The following ABI1 variants were observed in gnomAD, a reference collection of about 807,000 sequenced individuals.
The protein encoded by ABI1 is abl interactor 1.
Under a neutral mutation model 54.6 loss-of-function variants are expected in ABI1, and 14 were observed. The observed-to-expected ratio is 0.26, with a 90% CI of 0.17 to 0.40. ABI1 has a LOEUF of 0.40. Ranked by LOEUF, ABI1 falls within the 10% of genes least tolerant of loss-of-function variation. The probability of loss-of-function intolerance (pLI) is 1.00; values close to 1 mark genes in which losing one functional copy is unlikely to be tolerated. For synonymous variants in ABI1, 194 were observed against 209.3 expected (o/e 0.93, Z 0.63); for missense variants, 443 against 598.3 (o/e 0.74, Z 2.71).
intron 2 of ABI1, among the ~76,000 whole-genome samples, chr10:26,809,915 G>C (rs2047121887): frequency 6.6e-6 from 1 of 152,158 alleles, no homozygotes; most frequent in Non-Finnish European, 1.5e-5. Context: ...ACCTTGCCCT[G>C]TGTGTCTCTT....
At chr10:26,782,882 A>C (rs1842307112) in intron 2 of ABI1, among the ~76,000 whole-genome samples, 1 of 152,220 alleles carries the variant, frequency 6.6e-6, no homozygotes, top group South Asian at 2.1e-4. Flanking sequence ...GAGAAACTGG[A>C]GCCCTTGTGC....
chr10:26,753,509 A>G lies in ABI1; in HGVS notation c.1085-1726T>C, dbSNP rs78568663. Reference sequence around the variant, plus strand: ...GTAAATCTACATGTCTTATCTTCAAATTATGGCGAAGGAAGTCTTGGTTAA... The same window carrying G: ...GTAAATCTACATGTCTTATCTTCAAGTTATGGCGAAGGAAGTCTTGGTTAA... On this transcript the variant is annotated intron_variant, in intron 9 of 10. Coordinates refer to ENST00000376140, the MANE Select transcript of ABI1 (RefSeq NM_001012750.3). Among the ~76,000 whole-genome samples, 647 of 152,310 alleles carry G rather than the reference A, an allele frequency of 4.2e-3. 3 individuals carry two copies. Among genetic ancestry groups the G allele is most frequent in the African/African-American group, 0.015 (609 of 41,558 alleles).
intron 2 of ABI1, among the ~76,000 whole-genome samples, chr10:26,804,430 A>C (rs1265747867): frequency 6.6e-6 from 1 of 152,138 alleles, no homozygotes; most frequent in African/African-American, 2.4e-5. Context: ...ATATGTTTGA[A>C]GGAAGAAGCT....
intron 3 of ABI1, among the ~76,000 whole-genome samples, chr10:26,773,295 G>A (rs1247815476): frequency 7.0e-6 from 1 of 142,018 alleles, no homozygotes; most frequent in East Asian, 2.2e-4. Context: ...TCTGCCTCCC[G>A]GGTTCAAGCG....
At chr10:26,829,297 A>G (rs972493060) in intron 1 of ABI1, among the ~76,000 whole-genome samples, 1 of 152,074 alleles carries the variant, frequency 6.6e-6, no homozygotes, top group Non-Finnish European at 1.5e-5. Context: ...GCTCTGTCCA[A>G]TGAAAAGATC....
intron 2 of ABI1, among the ~76,000 whole-genome samples, chr10:26,796,630 G>A (rs983789851): frequency 1.3e-5 from 2 of 152,270 alleles, no homozygotes; most frequent in Admixed American, 1.3e-4. Context: ...CTGTATTAAG[G>A]ATTTTCATTA....
chr10:26,774,895 C>T (rs10829061), intron 3 of ABI1, among the ~76,000 whole-genome samples: 22,443 of 151,700 alleles, frequency 0.15, 2,172 homozygotes, highest in African/African-American at 0.28. Flanking sequence ...AGCCAAACAG[C>T]AATATGAGTA....
At chr10:26,840,427 T>G (rs1298309669) in intron 1 of ABI1, among the ~76,000 whole-genome samples, 1 of 152,188 alleles carries the variant, frequency 6.6e-6, no homozygotes, top group Non-Finnish European at 1.5e-5. Context: ...TTACCCAGCC[T>G]GAAGTATTCC....
chr10:26,771,149 C>A, intron 3 of ABI1, 60 bp from the exon 4 acceptor site: 2 of 1,557,508 alleles, frequency 1.3e-6, no homozygotes, highest in African/African-American at 1.4e-5. Flanking sequence ...TAAGTTATAT[C>A]CGATAGGACA....
intron 1 of ABI1, among the ~76,000 whole-genome samples, chr10:26,837,505 AATTAGAATAATCTTTAACTTCAAAC>A (rs2049168644): frequency 1.3e-5 from 2 of 152,192 alleles, no homozygotes; most frequent in African/African-American, 4.8e-5. Flanking sequence ...TTCTATTCAC[AATTAGAATAATCTTTAACTTCAAAC>A]ATTAGGAAAT....
intron 1 of ABI1, among the ~76,000 whole-genome samples, chr10:26,825,087 T>C (rs2048224781): frequency 6.6e-6 from 1 of 152,176 alleles, no homozygotes; most frequent in Non-Finnish European, 1.5e-5. Context: ...GGTGGGATTT[T>C]TGAAGGTTGG....
At position 26,811,136 on chromosome 10, in the gene ABI1, C is replaced by T. The variant is rs187291272; in HGVS notation, c.285+12002G>A. ...GGTTATAAGTAAGCTCATAGTAGTACCAGGCTCTCTGCTAGGTGCTATTAA... is the reference window on the plus strand; with the variant it reads ...GGTTATAAGTAAGCTCATAGTAGTATCAGGCTCTCTGCTAGGTGCTATTAA... On this transcript the variant is annotated intron_variant, in intron 2 of 10. Transcript: ENST00000376140. Among the ~76,000 whole-genome samples, 71 of 152,122 alleles carry T rather than the reference C, an allele frequency of 4.7e-4. 1 individual carries two copies. Among genetic ancestry groups the T allele is most frequent in the Admixed American group, 2.4e-3 (37 of 15,268 alleles).
intron 2 of ABI1, among the ~76,000 whole-genome samples, chr10:26,795,383 A>G (rs1190357785): frequency 4.6e-5 from 7 of 152,304 alleles, no homozygotes; most frequent in African/African-American, 1.4e-4. Flanking sequence ...ACACAGTACT[A>G]GAAGTACTAG....
At chr10:26,755,553 A>C (rs1252148001) in intron 9 of ABI1, 102 bp downstream of exon 9, 1 of 883,886 alleles carries the variant, frequency 1.1e-6, no homozygotes, top group Non-Finnish European at 1.8e-6. Context: ...TTTCAAGATT[A>C]GCTTCTCAAT....
intron 2 of ABI1, among the ~76,000 whole-genome samples, chr10:26,782,647 A>G (rs902153823): frequency 4.6e-5 from 7 of 151,194 alleles, no homozygotes; most frequent in Non-Finnish European, 1.0e-4. Context: ...CGCTTGAACC[A>G]GGGAGTCAGA....
chr10:26,768,184 T>C (rs529627430), intron 6 of ABI1, among the ~76,000 whole-genome samples: 68 of 152,296 alleles, frequency 4.5e-4, no homozygotes, highest in African/African-American at 1.6e-3. Context: ...ATAATTCCTA[T>C]GATATTTAAT....
intron 1 of ABI1, among the ~76,000 whole-genome samples, chr10:26,843,743 A>T (rs1018347362): frequency 6.6e-6 from 1 of 150,470 alleles, no homozygotes; most frequent in African/African-American, 2.5e-5. Context: ...GAGAGGTAGG[A>T]TGGGTGGAAG....
At chr10:26,763,937 A>G (rs1839566788) in intron 7 of ABI1, 4 of 1,612,662 alleles carry the variant, frequency 2.5e-6, no homozygotes, top group African/African-American at 1.3e-5. Flanking sequence ...GGAGCTCCAG[A>G]AGGAGGAGGG....
intron 2 of ABI1, among the ~76,000 whole-genome samples, chr10:26,802,086 G>A (rs928845283): frequency 1.3e-5 from 2 of 152,170 alleles, no homozygotes; most frequent in South Asian, 2.1e-4. Context: ...CGAAGAGTGG[G>A]CATTAGCTAG....
Sources: allele counts gnomAD v4.1 joint callset (sites outside exome capture counted in the v4.1 genomes callset), GRCh38; gene constraint gnomAD v4.1.1; transcripts MANE v1.5; gene names NCBI Gene and HGNC (gene_info 2026-07-23, HGNC 2026-07-21).